Variants in ZSCAN32 observed in about 807,000 individuals in gnomAD.
ZSCAN32 encodes zinc finger and SCAN domain-containing protein 32.
ZSCAN32 carries 52 observed loss-of-function variants against 47.4 expected under a neutral mutation model. The observed-to-expected ratio is 1.10, with a 90% confidence interval of 0.88 to 1.38. ZSCAN32 has a LOEUF of 1.38. Ranked by LOEUF, ZSCAN32 falls within the 40% of genes most tolerant of loss-of-function variation. ZSCAN32 has a pLI of 0.00. For missense variants in ZSCAN32, 959 were observed against 846.0 expected, an observed-to-expected ratio of 1.13 and a Z score of -1.66; for synonymous variants, 346 against 305.7, an observed-to-expected ratio of 1.13 and a Z score of -1.38.
intron 5 of ZSCAN32, among the ~76,000 whole-genome samples, chr16:3,388,485 C>T (rs2032272408): frequency 6.6e-6 from 1 of 152,252 alleles, no homozygotes. Flanking sequence ...CCTCTAACAT[C>T]TTCTGCCGCT....
Position 3,382,832 on chromosome 16 carries a change from C to CTGAT in ZSCAN32, c.*19_*20insATCA. On this transcript the variant is annotated 3_prime_UTR_variant, in exon 7 of 7. Coordinates refer to ENST00000396852, the MANE Select transcript of ZSCAN32 (RefSeq NM_001284527.2). Reference sequence around the variant, plus strand: ...TACATGCTGACCTGAGGAACTTAATCTGACAGTTTACCGACACACTCATAA... The same window carrying CTGAT: ...TACATGCTGACCTGAGGAACTTAATCTGATTGACAGTTTACCGACACACTCATAA... 6.5e-7 allele frequency: 1 copy of CTGAT among 1,536,318 alleles called. No homozygotes were observed.
Position 3,384,812 on chromosome 16 carries a change from A to C in ZSCAN32, c.881T>G (p.Leu294Arg). Residue 294 changes from leucine (L) to arginine (R), a missense_variant, in exon 6 of 7, where the codon CTC (leucine) becomes CGC (arginine). Physicochemically the swap from Leu to Arg is moderately radical, Grantham distance 102. Transcript: ENST00000396852. ...SQIYRAMAEGLWEQGFLRTPE... is the reference protein window; with the variant it reads ...SQIYRAMAEGRWEQGFLRTPE... ...GGTCCGCAGAAAACCCTGCTCCCAG[A>C]GTCCTTCCGCCATGGCCCTGTAGAT... 6.2e-7 allele frequency: 1 copy of C among 1,614,204 alleles called. No individual in the cohort carries two copies. Among genetic ancestry groups the C allele is most frequent in the Non-Finnish European group, 8.5e-7 (1 of 1,180,020 alleles).
At chr16:3,384,130 C>G in intron 6 of ZSCAN32, 1 of 533,632 alleles carries the variant, frequency 1.9e-6, no homozygotes, top group Non-Finnish European at 3.3e-6. Flanking sequence ...AGCATAGGCT[C>G]AGGCTGTGAA....
At chr16:3,386,548 C>A (rs149507821) in intron 5 of ZSCAN32, among the ~76,000 whole-genome samples, 19 of 152,124 alleles carry the variant, frequency 1.2e-4, no homozygotes, top group Non-Finnish European at 2.5e-4. Context: ...AGCCAAATGT[C>A]CAACAATGAT....
At position 3,383,532 on chromosome 16, in the gene ZSCAN32, T is replaced by C; in HGVS notation, c.1414A>G (p.Ser472Gly). 6.2e-7 allele frequency: 1 copy of C among 1,614,096 alleles called. No individual in the cohort carries two copies. Among genetic ancestry groups the C allele is most frequent in the Non-Finnish European group, 8.5e-7 (1 of 1,180,032 alleles). Residue 472 changes from serine to glycine, a missense_variant, in exon 7 of 7, where the codon AGT (serine) becomes GGT (glycine). Coordinates refer to ENST00000396852, the MANE Select transcript of ZSCAN32 (RefSeq NM_001284527.2). Reference protein sequence around the residue: ...RRQCRNSPGESEEKTPSQEKM... With the variant: ...RRQCRNSPGEGEEKTPSQEKM... ...TCCTGGGATGGGGTTTTCTCCTCAC[T>C]CTCCCCTGGAGAATTTCTACATTGC...
At chr16:3,393,547 G>T in intron 3 of ZSCAN32, 102 bp downstream of exon 3, 2 of 1,180,374 alleles carry the variant, frequency 1.7e-6, no homozygotes, top group African/African-American at 1.6e-5. Context: ...TATTTCAAAG[G>T]CATTTAGTCT....
intron 1 of ZSCAN32, among the ~76,000 whole-genome samples, chr16:3,399,470 A>G (rs1027538757): frequency 4.6e-5 from 7 of 152,242 alleles, no homozygotes; most frequent in Admixed American, 2.0e-4. Flanking sequence ...GCCTGTTTAC[A>G]AGAGGACAAT....
intron 2 of ZSCAN32, among the ~76,000 whole-genome samples, chr16:3,395,572 G>A (rs2033293464): frequency 6.6e-6 from 1 of 152,204 alleles, no homozygotes; most frequent in South Asian, 2.1e-4. Flanking sequence ...GCAGAACTGT[G>A]AGTCAATTAA....
intron 3 of ZSCAN32, among the ~76,000 whole-genome samples, chr16:3,393,216 A>ATT (rs1567319545): frequency 3.1e-4 from 8 of 25,602 alleles, no homozygotes; most frequent in African/African-American, 2.1e-3. Context: ...ATTTATATAT[A>ATT]TATATATATA....
intron 2 of ZSCAN32, among the ~76,000 whole-genome samples, chr16:3,395,693 G>A (rs531930630): frequency 6.6e-6 from 1 of 152,262 alleles, no homozygotes; most frequent in Admixed American, 6.5e-5. Context: ...CTCCTGCACT[G>A]TTTTCTTTTA....
At chr16:3,392,265 A>C (rs1427112253) in intron 3 of ZSCAN32, among the ~76,000 whole-genome samples, 2 of 152,200 alleles carry the variant, frequency 1.3e-5, no homozygotes, top group Non-Finnish European at 2.9e-5. Flanking sequence ...AATGTTTTGA[A>C]ACTAGACAGA....
chr16:3,388,999 G>A (rs2032339397), intron 5 of ZSCAN32, among the ~76,000 whole-genome samples: 1 of 152,244 alleles, frequency 6.6e-6, no homozygotes, highest in African/African-American at 2.4e-5. Context: ...TTTATGTCAT[G>A]TGAATTTCAC....
chr16:3,393,216 A>ATATATT (rs2032977443), intron 3 of ZSCAN32, among the ~76,000 whole-genome samples: 1 of 25,646 alleles, frequency 3.9e-5, no homozygotes, highest in African/African-American at 3.4e-4. Context: ...ATTTATATAT[A>ATATATT]TATATATATA....
chr16:3,393,238 AT>A (rs369971639), intron 3 of ZSCAN32, among the ~76,000 whole-genome samples: 5 of 21,544 alleles, frequency 2.3e-4, no homozygotes, highest in East Asian at 2.3e-3. Flanking sequence ...AAATTTATAT[AT>A]TTTATATATA....
intron 4 of ZSCAN32, 95 bp downstream of exon 4, chr16:3,390,328 G>T: frequency 7.3e-7 from 1 of 1,370,024 alleles, no homozygotes; most frequent in Non-Finnish European, 9.9e-7. Flanking sequence ...AAGCCCCATG[G>T]ACCACACAGA....
rs762713788 is a variant in ZSCAN32, at chr16:3,390,077, G to A, written c.684C>T (p.Cys228=). 8.1e-6 allele frequency: 13 copies of A among 1,613,904 alleles called. No homozygotes were observed. In the African/African-American group the frequency reaches 1.5e-4, roughly 18 times the overall value. ...AVSLCQQEWM[C]PGPAQRALYR... ...AGAGGGCCCTTTGTGCAGGGCCTGGGCACATCCATTCTTGCTGACAGAGGG... is the reference window on the plus strand; with the variant it reads ...AGAGGGCCCTTTGTGCAGGGCCTGGACACATCCATTCTTGCTGACAGAGGG... The change falls in exon 5 of 7, where the codon TGC becomes TGT. Residue 228 remains cysteine, a synonymous_variant. Coordinates refer to ENST00000396852, the MANE Select transcript of ZSCAN32 (RefSeq NM_001284527.2).
In ZSCAN32 at chr16:3,384,794, A is replaced by C; in HGVS notation, c.899T>G (p.Leu300Arg). The C allele has an allele frequency of 6.2e-7, 1 of 1,614,228 alleles. No individual in the cohort carries two copies. The highest frequency in any genetic ancestry group is 8.5e-7 in the Non-Finnish European group (1 of 1,180,028). Residue 300 changes from leucine to arginine, a missense_variant, in exon 6 of 7, where the codon CTG (leucine) becomes CGG (arginine). By Grantham distance (102) the Leu-to-Arg change is moderately radical. Coordinates refer to ENST00000396852, the MANE Select transcript of ZSCAN32 (RefSeq NM_001284527.2). ...GGTGCGACACTGTTCTGGGGTCCGC[A>C]GAAAACCCTGCTCCCAGAGTCCTTC... ...MAEGLWEQGFLRTPEQCRTKF... is the reference protein window; with the variant it reads ...MAEGLWEQGFRRTPEQCRTKF...
intron 2 of ZSCAN32, among the ~76,000 whole-genome samples, chr16:3,395,537 A>C (rs1401546532): frequency 2.0e-5 from 3 of 152,150 alleles, no homozygotes; most frequent in African/African-American, 4.8e-5. Flanking sequence ...CATGACTGTA[A>C]GTTTCCTGAG....
At position 3,382,962 on chromosome 16, in the gene ZSCAN32, T is replaced by A; in HGVS notation, c.1984A>T (p.Arg662Trp). The change falls in exon 7 of 7, where the codon AGG becomes TGG. Residue 662 changes from arginine (R) to tryptophan (W), a missense_variant. Physicochemically the swap from Arg to Trp is moderately radical, Grantham distance 101 (BLOSUM62 -3). Coordinates refer to ENST00000396852, the MANE Select transcript of ZSCAN32 (RefSeq NM_001284527.2). Reference sequence around the variant, plus strand: ...AAGCCTCTCTCACAGTGAGAACACCTGTAAGGCTTTTCACCAGTGTGGGTT... The same window carrying A: ...AAGCCTCTCTCACAGTGAGAACACCAGTAAGGCTTTTCACCAGTGTGGGTT... ...RKTHTGEKPY[R>W]CSHCERGFTK... 1 of 1,614,114 alleles carries A rather than the reference T, an allele frequency of 6.2e-7. No individual in the cohort carries two copies. Among genetic ancestry groups the A allele is most frequent in the Non-Finnish European group, 8.5e-7 (1 of 1,180,008 alleles).
Sources: gnomAD v4.1 joint callset for allele counts (sites outside exome capture counted in the v4.1 genomes callset) on GRCh38, gnomAD v4.1.1 for gene constraint, MANE v1.5 for transcripts, NCBI Gene and HGNC (gene_info 2026-07-23, HGNC 2026-07-21) for gene names.